The following ANAPC1 variants were observed in gnomAD, a reference collection of about 807,000 sequenced individuals.
ANAPC1 encodes the protein anaphase promoting complex subunit 1.
In ANAPC1, 36 loss-of-function variants were observed where a neutral mutation model predicts 208.0. That is an observed-to-expected ratio of 0.17 (90% CI 0.13 to 0.23). The LOEUF (loss-of-function observed/expected upper bound fraction) is 0.23. ANAPC1 is among the 10% of genes least tolerant of loss of function. The probability of loss-of-function intolerance (pLI) is 1.00; values close to 1 mark genes in which losing one functional copy is unlikely to be tolerated. For missense variants in ANAPC1, 942 were observed against 2,011.6 expected (o/e 0.47, Z 10.17); for synonymous variants, 378 against 695.2 (o/e 0.54, Z 7.18).
At position 111,827,358 on chromosome 2, in the gene ANAPC1, A is replaced by T. The variant is rs7586416; in HGVS notation, c.2626-1503T>A. 6.1e-3 allele frequency among the ~76,000 whole-genome samples: 924 copies of T among 152,366 alleles called. 10 individuals are homozygous for T. Among genetic ancestry groups the T allele is most frequent in the African/African-American group, 0.02 (844 of 41,582 alleles). Reference sequence around the variant, plus strand: ...AAAACATACATAAAGTTCCTTGAAGACAACAGGCTCCCAATAAATGTTATC... The same window carrying T: ...AAAACATACATAAAGTTCCTTGAAGTCAACAGGCTCCCAATAAATGTTATC... On this transcript the variant is annotated intron_variant, in intron 21 of 47. Coordinates refer to ENST00000341068, the MANE Select transcript of ANAPC1 (RefSeq NM_022662.4).
intron 18 of ANAPC1, among the ~76,000 whole-genome samples, chr2:111,837,135 T>C (rs1030157908): frequency 2.0e-5 from 3 of 151,688 alleles, no homozygotes; most frequent in Admixed American, 2.0e-4. Context: ...TACTCAGCAA[T>C]AAAAAAGCAC....
chr2:111,807,689 CA>C (rs138431522), intron 29 of ANAPC1, among the ~76,000 whole-genome samples: 106 of 143,548 alleles, frequency 7.4e-4, no homozygotes, highest in African/African-American at 2.0e-3. Flanking sequence ...AAGACTCTCT[CA>C]AAAAAAAAAA....
intron 39 of ANAPC1, among the ~76,000 whole-genome samples, chr2:111,787,159 A>AC (rs1677602698): frequency 6.6e-6 from 1 of 151,344 alleles, no homozygotes. Context: ...GAAAAAAAAA[A>AC]AAAAAGATTC....
rs1678891814 is a variant in ANAPC1, at chr2:111,810,112, A to T, written c.3598-931T>A. ...CATTCATAAAATAAAACATTTATTC[A>T]ACAATAAAAAGGAATGTATTGCTGA... On this transcript the variant is annotated intron_variant, in intron 28 of 47. Coordinates refer to ENST00000341068, the MANE Select transcript of ANAPC1 (RefSeq NM_022662.4). Among the ~76,000 whole-genome samples, 5 of 152,230 alleles carry T rather than the reference A, an allele frequency of 3.3e-5. No homozygotes were observed. In the South Asian group the frequency reaches 1.0e-3, roughly 32 times the overall value.
intron 47 of ANAPC1, among the ~76,000 whole-genome samples, chr2:111,769,675 C>CTGAGA (rs377026379): frequency 0.99 from 135,804 of 136,770 alleles, 67,439 homozygotes; most frequent in South Asian, 1. Context: ...CACCTACTGG[C>CTGAGA]TTTCTTTTTT....
chr2:111,823,953 C>T (rs1424432795), intron 24 of ANAPC1, among the ~76,000 whole-genome samples: 11 of 138,994 alleles, frequency 7.9e-5, no homozygotes, highest in East Asian at 6.3e-4. Context: ...TAAACATATA[C>T]GTTTGACATA....
At chr2:111,867,990 A>T (rs748826574) in intron 7 of ANAPC1, 33 bp downstream of exon 7, 2 of 1,437,072 alleles carry the variant, frequency 1.4e-6, no homozygotes, top group Admixed American at 2.3e-5. Flanking sequence ...AAAAAAAAAG[A>T]GCTTATCTAA....
At chr2:111,881,980 C>A (rs1002847530) in intron 1 of ANAPC1, among the ~76,000 whole-genome samples, 4 of 152,118 alleles carry the variant, frequency 2.6e-5, no homozygotes, top group Admixed American at 1.3e-4. Flanking sequence ...GTCAGGAGAT[C>A]GAGACCATCC....
chr2:111,856,056 A>G (rs1424634837), intron 13 of ANAPC1, among the ~76,000 whole-genome samples: 2 of 152,198 alleles, frequency 1.3e-5, no homozygotes, highest in South Asian at 4.1e-4. Context: ...TAACACGGTG[A>G]AACCCCGTCT....
rs1309474673 is a variant in ANAPC1 at position 111,773,167 on chromosome 2, G to A, written c.5585-692C>T. ...CTCTGCCACAGGGATAGATTGAGAG[G>A]TGTGCATGAGATGCAACTCGAGCCA... is the stretch of plus-strand genomic sequence containing the variant. On this transcript the variant is annotated intron_variant, in intron 46 of 47. Coordinates refer to ENST00000341068, the MANE Select transcript of ANAPC1 (RefSeq NM_022662.4). 2.0e-5 allele frequency among the ~76,000 whole-genome samples: 3 copies of A among 152,364 alleles called. No individual in the cohort carries two copies. The South Asian group carries it at 6.2e-4, about 32-fold the overall frequency.
intron 9 of ANAPC1, among the ~76,000 whole-genome samples, chr2:111,862,986 T>C (rs2104559852): frequency 6.6e-6 from 1 of 151,486 alleles, no homozygotes; most frequent in African/African-American, 2.4e-5. Context: ...TATATCTATA[T>C]AGAGAAATAG....
chr2:111,857,035 G>C, intron 11 of ANAPC1, 149 bp from the exon 12 acceptor site: 1 of 582,332 alleles, frequency 1.7e-6, no homozygotes, highest in Non-Finnish European at 3.1e-6. Context: ...AAATTATCAA[G>C]ATGGAGAATT....
rs1436756040 is a variant in ANAPC1 at position 111,873,299 on chromosome 2, C to G, written c.528+9G>C. On this transcript the variant is annotated intron_variant, in intron 5 of 47. Coordinates refer to ENST00000341068, the MANE Select transcript of ANAPC1 (RefSeq NM_022662.4). ...CAAAACCCCCCCAAAATTTGAAACA[C>G]TTGTTTACCTGAAATGGTAATGAAG... The G allele has an allele frequency of 6.3e-7, 1 of 1,590,730 alleles. No homozygotes were observed.
intron 21 of ANAPC1, among the ~76,000 whole-genome samples, chr2:111,828,484 T>G (rs1292516556): frequency 7.9e-5 from 12 of 152,188 alleles, no homozygotes; most frequent in Non-Finnish European, 1.6e-4. Flanking sequence ...AACAGATATT[T>G]GCATACCCAT....
chr2:111,802,178 T>G (rs1381341551), intron 33 of ANAPC1, among the ~76,000 whole-genome samples: 2 of 151,840 alleles, frequency 1.3e-5, no homozygotes, highest in Non-Finnish European at 1.5e-5. Flanking sequence ...CACTGCCAAT[T>G]AGATATGCAT....
chr2:111,791,705 A>C (rs1385593311), intron 38 of ANAPC1, among the ~76,000 whole-genome samples: 1 of 152,176 alleles, frequency 6.6e-6, no homozygotes, highest in Non-Finnish European at 1.5e-5. Context: ...AAATCAACGT[A>C]AGGTGTTAGA....
chr2:111,791,874 T>G (rs1677893616), intron 38 of ANAPC1, among the ~76,000 whole-genome samples: 1 of 149,626 alleles, frequency 6.7e-6, no homozygotes, highest in Non-Finnish European at 1.5e-5. Flanking sequence ...CTCTTTGACC[T>G]GTGCACCTAT....
chr2:111,864,614 C>A (rs1318734626), intron 8 of ANAPC1, among the ~76,000 whole-genome samples, 192 bp downstream of exon 8: 1 of 151,470 alleles, frequency 6.6e-6, no homozygotes, highest in Non-Finnish European at 1.5e-5. Flanking sequence ...ACAGAAGCCA[C>A]CACACCTGGC....
At chr2:111,851,310 C>G (rs370266655) in intron 13 of ANAPC1, among the ~76,000 whole-genome samples, 1 of 152,022 alleles carries the variant, frequency 6.6e-6, no homozygotes, top group Middle Eastern at 3.2e-3. Context: ...ACCATGTTAT[C>G]CAGGCTGGTC....
Sources: allele counts gnomAD v4.1 joint callset (sites outside exome capture counted in the v4.1 genomes callset), GRCh38; gene constraint gnomAD v4.1.1; transcripts MANE v1.5; gene names NCBI Gene and HGNC (gene_info 2026-07-23, HGNC 2026-07-21).